The following MTMR8 variants were observed in gnomAD, a reference collection of about 807,000 sequenced individuals.
The protein encoded by MTMR8 is phosphatidylinositol-3,5-bisphosphate 3-phosphatase MTMR8.
A neutral mutation model predicts 39.3 loss-of-function variants in MTMR8; 65 were observed. That is an observed-to-expected ratio of 1.65 (90% CI 1.35 to 2.03). The LOEUF (loss-of-function observed/expected upper bound fraction) is 2.03. Ranked by LOEUF, MTMR8 falls within the 30% of genes most tolerant of loss-of-function variation. The pLI, the probability that MTMR8 is intolerant of heterozygous loss-of-function variation, is 0.00. For missense variants in MTMR8, 777 were observed against 538.9 expected, an observed-to-expected ratio of 1.44 and a Z score of -4.37; for synonymous variants, 245 against 185.2, an observed-to-expected ratio of 1.32 and a Z score of -2.62.
At chrX:64,326,222 G>A (rs1249258939) in intron 12 of MTMR8, among the ~76,000 whole-genome samples, 1 of 111,009 alleles carries the variant, frequency 9.0e-6, no homozygotes, top group Admixed American at 9.6e-5. Flanking sequence ...TGACTCAGTG[G>A]TTGCAGAGGT....
chrX:64,366,072 T>C (rs989876657), intron 1 of MTMR8, among the ~76,000 whole-genome samples: 10 of 112,097 alleles, frequency 8.9e-5, no homozygotes, highest in African/African-American at 2.3e-4. Context: ...TAAATATATA[T>C]GCACCCAATA....
At chrX:64,305,571 A>T (rs1922081576) in intron 12 of MTMR8, 1 of 476,158 alleles carries the variant, frequency 2.1e-6, no homozygotes, top group Non-Finnish European at 3.9e-6. Context: ...TCCAGTAGCC[A>T]TGTTGCTCAC....
Position 64,316,041 on chromosome X carries a change from CT to C in MTMR8, c.1481+12730del, listed in dbSNP as rs1270395231. On this transcript the variant is annotated intron_variant, in intron 12 of 13. Coordinates refer to ENST00000374852, the MANE Select transcript of MTMR8 (RefSeq NM_017677.4). ...TCCTTTTACATCCCTTTTCCCTCCC[CT>C]ATTTATAATATAATTATCTTAAACA... Among the ~76,000 whole-genome samples, 46 of 111,403 alleles carry C rather than the reference CT, an allele frequency of 4.1e-4. 1 individual carries two copies. The highest frequency in any genetic ancestry group is 1.4e-3 in the African/African-American group (42 of 30,700).
intron 12 of MTMR8, among the ~76,000 whole-genome samples, chrX:64,302,274 C>T (rs1029024493): frequency 8.9e-6 from 1 of 112,415 alleles, no homozygotes; most frequent in Non-Finnish European, 1.9e-5. Context: ...CATGGTGCGC[C>T]GTTTTTTAAG....
intron 1 of MTMR8, among the ~76,000 whole-genome samples, chrX:64,378,696 G>A (rs997907812): frequency 8.9e-6 from 1 of 112,147 alleles, no homozygotes; most frequent in South Asian, 3.7e-4. Flanking sequence ...TTAGAACAAA[G>A]AAAAATCTAA....
chrX:64,372,848 A>G (rs372527990), intron 1 of MTMR8, among the ~76,000 whole-genome samples: 42 of 111,826 alleles, frequency 3.8e-4, no homozygotes, highest in Non-Finnish European at 6.6e-4. Flanking sequence ...AATGGCCAAG[A>G]GTGCAATTTC....
At chrX:64,297,365 G>A (rs1423730520) in intron 12 of MTMR8, among the ~76,000 whole-genome samples, 35 of 107,724 alleles carry the variant, frequency 3.2e-4, no homozygotes, top group Non-Finnish European at 6.0e-4. Context: ...GTTTTTTGGC[G>A]GCATAAATGT....
At chrX:64,315,396 C>T (rs1223345711) in intron 12 of MTMR8, among the ~76,000 whole-genome samples, 1 of 111,799 alleles carries the variant, frequency 8.9e-6, no homozygotes, top group Non-Finnish European at 1.9e-5. Context: ...AGTGCCTTCC[C>T]TCTGCCCACT....
At chrX:64,302,007 T>C (rs1220480806) in intron 12 of MTMR8, among the ~76,000 whole-genome samples, 5 of 112,531 alleles carry the variant, frequency 4.4e-5, no homozygotes, top group Non-Finnish European at 9.4e-5. Context: ...CAGAGGTTAC[T>C]GCTGTCTTTT....
chrX:64,296,279 G>C (rs950968200), intron 12 of MTMR8, among the ~76,000 whole-genome samples: 3 of 111,244 alleles, frequency 2.7e-5, no homozygotes, highest in Admixed American at 9.6e-5. Flanking sequence ...ATAAAGACCA[G>C]AAAGTAGAAT....
At chrX:64,338,635 G>A (rs1394666733) in intron 8 of MTMR8, among the ~76,000 whole-genome samples, 1 of 112,152 alleles carries the variant, frequency 8.9e-6, no homozygotes, top group African/African-American at 3.2e-5. Flanking sequence ...GGAAGCAGAG[G>A]AGTGCCATGA....
intron 12 of MTMR8, among the ~76,000 whole-genome samples, chrX:64,279,368 C>T (rs962778350): frequency 8.0e-5 from 9 of 111,947 alleles, no homozygotes; most frequent in African/African-American, 2.9e-4. Flanking sequence ...AGACTGAAAG[C>T]TTTACCTTTA....
intron 10 of MTMR8, among the ~76,000 whole-genome samples, chrX:64,333,981 A>G (rs1473287446): frequency 9.0e-6 from 1 of 111,359 alleles, no homozygotes; most frequent in African/African-American, 3.3e-5. Context: ...CTAGACTTTC[A>G]GGTGTCAGTA....
chrX:64,304,955 T>TATATATATGTATATAC (rs1196505387), intron 12 of MTMR8: 2 of 88,979 alleles, frequency 2.2e-5, no homozygotes, highest in East Asian at 7.5e-4. Context: ...TGTATAAACA[T>TATATATATGTATATAC]ATATATATGT....
At chrX:64,370,227 A>T (rs1277636348) in intron 1 of MTMR8, among the ~76,000 whole-genome samples, 1 of 111,450 alleles carries the variant, frequency 9.0e-6, no homozygotes, top group Admixed American at 9.6e-5. Context: ...CAGAAACATG[A>T]GAAATAATCT....
chrX:64,339,447 C>T (rs1177391857), intron 8 of MTMR8, among the ~76,000 whole-genome samples: 2 of 111,043 alleles, frequency 1.8e-5, no homozygotes, highest in African/African-American at 3.3e-5. Context: ...GTCATAAGAC[C>T]TCTGGAAGAG....
intron 12 of MTMR8, among the ~76,000 whole-genome samples, chrX:64,272,413 A>G (rs1931781598): frequency 9.0e-6 from 1 of 111,272 alleles, no homozygotes; most frequent in Non-Finnish European, 1.9e-5. Context: ...GTTCAACGAC[A>G]GACTAGAGCA....
chrX:64,391,563 G>A (rs781446461), intron 1 of MTMR8, among the ~76,000 whole-genome samples: 1 of 111,781 alleles, frequency 8.9e-6, no homozygotes, highest in East Asian at 2.8e-4. Context: ...ATCCCAGAGG[G>A]CAGTTGCCAT....
intron 12 of MTMR8, among the ~76,000 whole-genome samples, chrX:64,294,349 T>G (rs1188288153): frequency 9.0e-6 from 1 of 111,721 alleles, no homozygotes; most frequent in East Asian, 2.8e-4. Context: ...GAAGAGTATA[T>G]TTTTTCCCAG....
Sources: gnomAD v4.1 joint callset for allele counts (sites outside exome capture counted in the v4.1 genomes callset) on GRCh38, gnomAD v4.1.1 for gene constraint, MANE v1.5 for transcripts, NCBI Gene and HGNC (gene_info 2026-07-23, HGNC 2026-07-21) for gene names.